Variants in HECW2 observed in about 807,000 individuals in gnomAD.
HECW2 encodes the protein E3 ubiquitin-protein ligase HECW2.
In HECW2, 61 loss-of-function variants were observed where a neutral mutation model predicts 175.2. The ratio of observed to expected loss-of-function variants is 0.35; its 90% CI spans 0.28 to 0.43. HECW2 has a LOEUF of 0.43. Ranked by LOEUF, HECW2 falls within the 20% of genes least tolerant of loss-of-function variation. The pLI, the probability that HECW2 is intolerant of heterozygous loss-of-function variation, is 1.00. For synonymous variants in HECW2, 671 were observed against 731.0 expected, an observed-to-expected ratio of 0.92 and a Z score of 1.32; for missense variants, 1,524 against 2,000.5, an observed-to-expected ratio of 0.76 and a Z score of 4.54.
chr2:196,279,844 C>A (rs1161106256), intron 14 of HECW2, among the ~76,000 whole-genome samples: 1 of 152,174 alleles, frequency 6.6e-6, no homozygotes, highest in East Asian at 1.9e-4. Flanking sequence ...CATTTCTCCC[C>A]CATAATGTGT....
intron 22 of HECW2, 83 bp from the exon 23 acceptor site, chr2:196,225,953 G>A: frequency 1.2e-6 from 1 of 813,386 alleles, no homozygotes; most frequent in Non-Finnish European, 2.1e-6. Flanking sequence ...ATGCCTTCCA[G>A]CGCTAACCAT....
intron 1 of HECW2, among the ~76,000 whole-genome samples, chr2:196,542,420 A>G (rs1689256086): frequency 1.3e-5 from 2 of 152,198 alleles, no homozygotes; most frequent in Non-Finnish European, 2.9e-5. Flanking sequence ...AACATTAAGA[A>G]AAATAAGCAG....
At chr2:196,204,061 G>C (rs1314649122) in intron 28 of HECW2, among the ~76,000 whole-genome samples, 1 of 152,126 alleles carries the variant, frequency 6.6e-6, no homozygotes, top group Non-Finnish European at 1.5e-5. Context: ...GCTGAATAAT[G>C]TTCCATTGTA....
At chr2:196,302,757 C>T (rs113442327) in intron 13 of HECW2, among the ~76,000 whole-genome samples, 3 of 152,274 alleles carry the variant, frequency 2.0e-5, no homozygotes, top group African/African-American at 7.2e-5. Flanking sequence ...GCAATTTTTG[C>T]ACACTGATTT....
intron 1 of HECW2, among the ~76,000 whole-genome samples, chr2:196,472,175 T>C (rs1697228477): frequency 6.6e-6 from 1 of 152,014 alleles, no homozygotes; most frequent in African/African-American, 2.4e-5. Flanking sequence ...ATGTAGGTAC[T>C]GCATAAAGTT....
chr2:196,306,344 T>C (rs530532520), intron 13 of HECW2, 144 bp downstream of exon 13: 5 of 734,048 alleles, frequency 6.8e-6, no homozygotes, highest in Non-Finnish European at 8.1e-6. Context: ...CCGGTTAAAG[T>C]GTACAGTGCT....
At chr2:196,340,428 C>T (rs1290610844) in intron 3 of HECW2, among the ~76,000 whole-genome samples, 2 of 151,724 alleles carry the variant, frequency 1.3e-5, no homozygotes, top group Non-Finnish European at 2.9e-5. Flanking sequence ...GAAAACCTGT[C>T]TATATTAAAA....
At chr2:196,203,634 T>C (rs1413066452) in intron 28 of HECW2, among the ~76,000 whole-genome samples, 1 of 152,230 alleles carries the variant, frequency 6.6e-6, no homozygotes, top group African/African-American at 2.4e-5. Context: ...CTCTTGCTTT[T>C]TACATTTCCT....
In HECW2 at chr2:196,421,737, T is replaced by C. The variant is rs373553831; in HGVS notation, c.292+11395A>G. The stretch of plus-strand genomic sequence containing the variant: ...TAAGGAAAAGTGACACAAATAAGCA[T>C]GGGGGGCAATAAAAATACAATAAGG... On this transcript the variant is annotated intron_variant, in intron 2 of 28. Transcript: ENST00000644978. Among the ~76,000 whole-genome samples the C allele has an allele frequency of 4.6e-5, 7 of 152,212 alleles. No homozygotes were observed. The East Asian group carries it at 1.3e-3, about 29-fold the overall frequency.
intron 1 of HECW2, among the ~76,000 whole-genome samples, chr2:196,561,770 G>A (rs1408266267): frequency 6.6e-6 from 1 of 152,148 alleles, no homozygotes; most frequent in Non-Finnish European, 1.5e-5. Context: ...AGCAGCACAG[G>A]CAACATCCAG....
At chr2:196,551,438 AAC>A (rs1357792557) in intron 1 of HECW2, among the ~76,000 whole-genome samples, 3 of 152,254 alleles carry the variant, frequency 2.0e-5, no homozygotes, top group African/African-American at 7.2e-5. Context: ...GTCTGTAGAT[AAC>A]ACAACTATTT....
At chr2:196,334,353 C>A (rs1045661375) in intron 4 of HECW2, 71 bp downstream of exon 4, 160 of 1,151,748 alleles carry the variant, frequency 1.4e-4, no homozygotes, top group Non-Finnish European at 2.0e-4. Context: ...CTGTCAGGGC[C>A]GCACAGGTAA....
chr2:196,258,305 A>C (rs1689146968), intron 17 of HECW2, among the ~76,000 whole-genome samples: 1 of 152,152 alleles, frequency 6.6e-6, no homozygotes, highest in African/African-American at 2.4e-5. Flanking sequence ...GTGTTGGGAG[A>C]GTCATCTATT....
chr2:196,320,322 A>C lies in HECW2; in HGVS notation c.985+17T>G. 1.4e-6 allele frequency: 2 copies of C among 1,463,666 alleles called. No individual in the cohort carries two copies. The highest frequency in any genetic ancestry group is 1.9e-6 in the Non-Finnish European group (2 of 1,046,398). 90.7% of individuals were successfully genotyped at this position (1,463,666 alleles called of 1,614,324 possible). On this transcript the variant is annotated intron_variant, in intron 8 of 28. Transcript: ENST00000644978. ...TTCCTATAGCAATGTATTCATACAG[A>C]TATATTTATATCTCACCTTCATGAA...
chr2:196,535,063 AC>A (rs1490234645), intron 1 of HECW2, among the ~76,000 whole-genome samples: 8 of 150,674 alleles, frequency 5.3e-5, no homozygotes, highest in Non-Finnish European at 7.4e-5. Context: ...AAAAAAAAAA[AC>A]AAAAAACCCA....
intron 1 of HECW2, among the ~76,000 whole-genome samples, chr2:196,532,856 G>A (rs1397075084): frequency 6.6e-6 from 1 of 152,140 alleles, no homozygotes. Flanking sequence ...AAGGAGGAGG[G>A]ACACATTAAT....
At chr2:196,542,099 T>TA (rs1479176614) in intron 1 of HECW2, among the ~76,000 whole-genome samples, 2 of 151,414 alleles carry the variant, frequency 1.3e-5, no homozygotes, top group Admixed American at 6.6e-5. Context: ...CCTTCTCTAC[T>TA]AAAAAAATAC....
chr2:196,306,378 A>G (rs1263381908), intron 13 of HECW2, 110 bp downstream of exon 13: 1 of 1,178,212 alleles, frequency 8.5e-7, no homozygotes, highest in Non-Finnish European at 1.2e-6. Flanking sequence ...GGAACACACT[A>G]AGTGCTCTGG....
At chr2:196,538,627 C>T (rs1689100686) in intron 1 of HECW2, among the ~76,000 whole-genome samples, 1 of 152,050 alleles carries the variant, frequency 6.6e-6, no homozygotes, top group Non-Finnish European at 1.5e-5. Flanking sequence ...TATACCCAGC[C>T]TTGAGTATGT....
Sources: allele counts gnomAD v4.1 joint callset (sites outside exome capture counted in the v4.1 genomes callset), GRCh38; gene constraint gnomAD v4.1.1; transcripts MANE v1.5; gene names NCBI Gene and HGNC (gene_info 2026-07-23, HGNC 2026-07-21).